The following KANSL1L variants were observed in gnomAD, a reference collection of about 807,000 sequenced individuals.
KANSL1L encodes the protein KAT8 regulatory NSL complex subunit 1-like protein.
KANSL1L carries 25 observed loss-of-function variants against 108.6 expected under a neutral mutation model. That is an observed-to-expected ratio of 0.23 (90% confidence interval 0.17 to 0.32). The LOEUF (loss-of-function observed/expected upper bound fraction) is 0.32, where lower values mean the gene tolerates loss of function less well. Ranked by LOEUF, KANSL1L falls within the 10% of genes least tolerant of loss-of-function variation. KANSL1L has a pLI of 1.00. For synonymous variants in KANSL1L, 405 were observed against 395.1 expected (o/e 1.03, Z -0.30); for missense variants, 1,137 against 1,125.7 (o/e 1.01, Z -0.14).
intron 10 of KANSL1L, among the ~76,000 whole-genome samples, chr2:210,029,397 G>A (rs1050703774): frequency 1.3e-5 from 2 of 151,878 alleles, no homozygotes; most frequent in Non-Finnish European, 2.9e-5. Context: ...CCTGAGTTTC[G>A]GAATTCATTT....
At chr2:210,065,734 C>T (rs1325768107) in intron 6 of KANSL1L, among the ~76,000 whole-genome samples, 4 of 151,976 alleles carry the variant, frequency 2.6e-5, no homozygotes, top group Non-Finnish European at 5.9e-5. Flanking sequence ...TACAGATGCG[C>T]ACCACCACGC....
intron 2 of KANSL1L, among the ~76,000 whole-genome samples, chr2:210,148,713 C>T (rs2095282294): frequency 2.0e-5 from 3 of 152,222 alleles, no homozygotes; most frequent in East Asian, 3.9e-4. Flanking sequence ...TTGCCTACTA[C>T]ATTTTTGGAG....
At chr2:210,167,536 T>C (rs1688058404) in intron 1 of KANSL1L, among the ~76,000 whole-genome samples, 1 of 152,082 alleles carries the variant, frequency 6.6e-6, no homozygotes, top group Non-Finnish European at 1.5e-5. Context: ...AGAAGTACAC[T>C]ATCACATTTG....
intron 3 of KANSL1L, among the ~76,000 whole-genome samples, chr2:210,111,516 T>G (rs1024995773): frequency 2.0e-5 from 3 of 152,080 alleles, no homozygotes; most frequent in African/African-American, 2.4e-5. Context: ...GAGGAAGGAA[T>G]GACATTTTTG....
intron 3 of KANSL1L, among the ~76,000 whole-genome samples, chr2:210,112,474 A>G (rs1434248567): frequency 1.3e-5 from 2 of 152,198 alleles, no homozygotes; most frequent in East Asian, 1.9e-4. Flanking sequence ...ATAACTGTCA[A>G]ACTAGAATTT....
Position 210,113,042 on chromosome 2 carries a change from T to TG in KANSL1L, c.1231-8742dup, listed in dbSNP as rs1298174118. On this transcript the variant is annotated intron_variant, in intron 3 of 14. Transcript: ENST00000281772. ...AAGTCAGGGTAGGGGAAAAGGACCC[T>TG]GTTCTGCAAATATTAGGGATCTGTG... Among the ~76,000 whole-genome samples, 5 of 152,298 alleles carry TG rather than the reference T, an allele frequency of 3.3e-5. No homozygotes were observed. The East Asian group carries it at 9.6e-4, about 29-fold the overall frequency.
At chr2:210,091,651 C>A (rs2094693804) in intron 5 of KANSL1L, among the ~76,000 whole-genome samples, 2 of 152,156 alleles carry the variant, frequency 1.3e-5, no homozygotes, top group Admixed American at 1.3e-4. Flanking sequence ...TCAGTGCAAT[C>A]TGAATCGATT....
At chr2:210,150,267 A>C (rs912146776) in intron 2 of KANSL1L, among the ~76,000 whole-genome samples, 4 of 152,146 alleles carry the variant, frequency 2.6e-5, no homozygotes, top group Non-Finnish European at 5.9e-5. Flanking sequence ...TTTCCAGGTT[A>C]CTTTCCTTCA....
intron 2 of KANSL1L, among the ~76,000 whole-genome samples, chr2:210,135,762 C>T (rs2095167726): frequency 6.6e-6 from 1 of 152,088 alleles, no homozygotes; most frequent in Admixed American, 6.6e-5. Flanking sequence ...TTGACTTCTC[C>T]TTGTTATAAA....
chr2:210,077,306 A>C (rs2094549589), intron 5 of KANSL1L, among the ~76,000 whole-genome samples: 2 of 152,204 alleles, frequency 1.3e-5, no homozygotes, highest in Non-Finnish European at 2.9e-5. Context: ...GAATGCTTTA[A>C]GTCTCGGTAA....
upstream of KANSL1L, chr2:210,171,960 A>C (rs1419760771): frequency 6.6e-6 from 1 of 150,840 alleles, no homozygotes; most frequent in African/African-American, 2.4e-5. Flanking sequence ...GTAGGTGACA[A>C]ATTTGCCTTG....
intron 2 of KANSL1L, among the ~76,000 whole-genome samples, chr2:210,140,909 T>C (rs2095221966): frequency 6.6e-6 from 1 of 152,180 alleles, no homozygotes; most frequent in Non-Finnish European, 1.5e-5. Context: ...GATGGTTTTC[T>C]TTTGGACAGC....
chr2:210,152,009 G>C (rs914383274), intron 2 of KANSL1L: 5 of 152,136 alleles, frequency 3.3e-5, no homozygotes. Context: ...AGGGGTACAA[G>C]TGCAGGTTTG....
At chr2:210,145,069 C>T (rs768944920) in intron 2 of KANSL1L, among the ~76,000 whole-genome samples, 15 of 152,188 alleles carry the variant, frequency 9.9e-5, no homozygotes, top group Non-Finnish European at 2.1e-4. Context: ...CTCTGTACAG[C>T]TCTATCAACT....
intron 3 of KANSL1L, among the ~76,000 whole-genome samples, chr2:210,125,300 A>C (rs2095056559): frequency 6.6e-6 from 1 of 152,110 alleles, no homozygotes; most frequent in Admixed American, 6.6e-5. Context: ...CTATATAACT[A>C]GTAAGGAAAT....
chr2:210,030,439 C>A (rs2093999843), intron 9 of KANSL1L, among the ~76,000 whole-genome samples: 1 of 149,688 alleles, frequency 6.7e-6, no homozygotes, highest in South Asian at 2.1e-4. Flanking sequence ...TTTCTCATAT[C>A]TCTCAGGATA....
intron 6 of KANSL1L, among the ~76,000 whole-genome samples, chr2:210,057,427 C>G (rs537149899): frequency 6.6e-6 from 1 of 152,160 alleles, no homozygotes; most frequent in Non-Finnish European, 1.5e-5. Context: ...TAGGGCCGGG[C>G]GCTGTGGCTC....
chr2:210,031,873 A>T (rs1260707823), intron 8 of KANSL1L, among the ~76,000 whole-genome samples: 1 of 152,204 alleles, frequency 6.6e-6, no homozygotes, highest in Admixed American at 6.5e-5. Context: ...CTTACCTTTA[A>T]ATCTGGAAAT....
chr2:210,156,559 AAAAT>A (rs1439934834), intron 1 of KANSL1L, among the ~76,000 whole-genome samples: 1 of 152,132 alleles, frequency 6.6e-6, no homozygotes, highest in Admixed American at 6.5e-5. Flanking sequence ...AGAACACTGT[AAAAT>A]ATATATATAG....
Sources: gnomAD v4.1 joint callset for allele counts (sites outside exome capture counted in the v4.1 genomes callset) on GRCh38, gnomAD v4.1.1 for gene constraint, MANE v1.5 for transcripts, NCBI Gene and HGNC (gene_info 2026-07-23, HGNC 2026-07-21) for gene names.